Variants in CLCN4 observed in about 807,000 individuals in gnomAD.
CLCN4 encodes H(+)/Cl(-) exchange transporter 4.
CLCN4 carries 1 observed loss-of-function variant against 41.7 expected under a neutral mutation model. The ratio of observed to expected loss-of-function variants is 0.02; its 90% CI spans 0.01 to 0.11. The LOEUF (loss-of-function observed/expected upper bound fraction) is 0.11. Ranked by LOEUF, CLCN4 falls within the 10% of genes least tolerant of loss-of-function variation. CLCN4 has a pLI of 1.00. For synonymous variants in CLCN4, 277 were observed against 285.8 expected (o/e 0.97, Z 0.31); for missense variants, 287 against 661.0 (o/e 0.43, Z 6.20).
rs1366141307 is a variant in CLCN4 at position 10,213,968 on chromosome X, G to A, written c.1864G>A (p.Val622Met). ...LTQDSMTVED[V>M]ETLIKETDYN... is the part of the protein sequence containing the mutation. ...CCAGGACAGCATGACTGTCGAGGAC[G>A]TGGAGACGCTCATCAAGGAGACCGA... The change falls in exon 11 of 13, where the codon GTG (valine) becomes ATG (methionine). Residue 622 changes from valine (V) to methionine (M), a missense_variant. Coordinates refer to ENST00000380833, the MANE Select transcript of CLCN4 (RefSeq NM_001830.4). 3.3e-6 allele frequency: 4 copies of A among 1,210,600 alleles called. No homozygotes were observed. Among genetic ancestry groups the A allele is most frequent in the South Asian group, 1.8e-5 (1 of 56,822 alleles).
chrX:10,212,452 CTG>C lies in CLCN4; in HGVS notation c.1390-11_1390-10del, dbSNP rs2147182553. On this transcript the variant is annotated splice_polypyrimidine_tract_variant and intron_variant, in intron 9 of 12. Transcript: ENST00000380833. ...TCTTTTTCCCTCATGTTGCTTTTCT[CTG>C]TGTCTCCTCAAGATCCCGTCGGGCC... is the stretch of plus-strand genomic sequence containing the variant. The C allele has an allele frequency of 8.3e-7, 1 of 1,205,915 alleles. No individual in the cohort carries two copies. Among genetic ancestry groups the C allele is most frequent in the Non-Finnish European group, 1.1e-6 (1 of 890,986 alleles).
intron 2 of CLCN4, among the ~76,000 whole-genome samples, chrX:10,163,553 C>T (rs533787199): frequency 4.6e-5 from 5 of 109,874 alleles, no homozygotes; most frequent in South Asian, 8.0e-4. Flanking sequence ...ATTACAGGCA[C>T]GCACCACCAC....
intron 6 of CLCN4, among the ~76,000 whole-genome samples, chrX:10,204,613 CTTTTTTTTTTTTTTTTTTTT>C (rs61453535): frequency 0.21 from 5,844 of 27,358 alleles, 562 homozygotes; most frequent in African/African-American, 0.41. Context: ...AGCTAGTAGT[CTTTTTTTTTTTTTTTTTTTT>C]TTTTTTTTTT....
intron 11 of CLCN4, among the ~76,000 whole-genome samples, chrX:10,215,531 TAAATAATGAGGTTTTTTTAA>T (rs1924682060): frequency 8.9e-6 from 1 of 112,165 alleles, no homozygotes; most frequent in Non-Finnish European, 1.9e-5. Context: ...TATTGCCTTA[TAAATAATGAGGTTTTTTTAA>T]GGTTAAGTAG....
intron 12 of CLCN4, among the ~76,000 whole-genome samples, chrX:10,226,046 C>A (rs944392974): frequency 6.3e-5 from 7 of 111,401 alleles, no homozygotes; most frequent in Non-Finnish European, 1.3e-4. Flanking sequence ...TTAGGATTTT[C>A]TGGGCTATAT....
At chrX:10,213,603 C>T (rs1173372011) in intron 10 of CLCN4, 78 bp from the exon 11 acceptor site, 2 of 928,113 alleles carry the variant, frequency 2.2e-6, no homozygotes, top group Non-Finnish European at 3.0e-6. Context: ...TACAGCCTGT[C>T]TGTCATTTTC....
chrX:10,198,801 GC>G (rs1334927769), intron 6 of CLCN4, among the ~76,000 whole-genome samples: 2 of 112,131 alleles, frequency 1.8e-5, no homozygotes, highest in African/African-American at 6.5e-5. Flanking sequence ...GGAAATTTTA[GC>G]CAGAAGTAAT....
intron 4 of CLCN4, among the ~76,000 whole-genome samples, chrX:10,189,794 G>A (rs983324488): frequency 8.9e-6 from 1 of 112,223 alleles, no homozygotes; most frequent in East Asian, 2.8e-4. Flanking sequence ...GTCACCGCTA[G>A]GTGTCACTGT....
At chrX:10,185,221 G>A in intron 3 of CLCN4, 45 bp downstream of exon 3, 1 of 1,158,894 alleles carries the variant, frequency 8.6e-7, no homozygotes, top group Non-Finnish European at 1.2e-6. Flanking sequence ...GCTAAGCCAT[G>A]TTTTCATTCA....
rs181679928 is a variant in CLCN4, at chrX:10,202,801, A to T, written c.556-3557A>T. 3.6e-3 allele frequency among the ~76,000 whole-genome samples: 401 copies of T among 111,134 alleles called. 2 individuals carry two copies. The highest frequency in any genetic ancestry group is 0.012 in the African/African-American group (377 of 30,583). ...ACTATATGAGAAATCATACCCTCTCAGAACTTACTCTGTGTTGATGTTTCA... is the reference window on the plus strand; with the variant it reads ...ACTATATGAGAAATCATACCCTCTCTGAACTTACTCTGTGTTGATGTTTCA... On this transcript the variant is annotated intron_variant, in intron 6 of 12. Coordinates refer to ENST00000380833, the MANE Select transcript of CLCN4 (RefSeq NM_001830.4).
chrX:10,205,240 A>G (rs775616088), intron 6 of CLCN4, among the ~76,000 whole-genome samples: 142 of 111,274 alleles, frequency 1.3e-3, no homozygotes, highest in East Asian at 7.1e-3. Flanking sequence ...TTGGGAGGCC[A>G]AGGCGGGCGG....
chrX:10,221,874 C>T (rs988355476), intron 12 of CLCN4, among the ~76,000 whole-genome samples: 4 of 111,470 alleles, frequency 3.6e-5, no homozygotes, highest in East Asian at 5.7e-4. Flanking sequence ...TGGCTCTTCA[C>T]GCATGCATGA....
chrX:10,228,448 C>T (rs762993975), intron 12 of CLCN4, among the ~76,000 whole-genome samples: 128 of 110,942 alleles, frequency 1.2e-3, no homozygotes, highest in African/African-American at 4.0e-3. Flanking sequence ...CAATCCCCTC[C>T]GTACAGCACC....
intron 2 of CLCN4, among the ~76,000 whole-genome samples, chrX:10,161,289 G>A (rs991078716): frequency 9.0e-6 from 1 of 110,611 alleles, no homozygotes; most frequent in South Asian, 3.9e-4. Context: ...AGAGCAGCTG[G>A]CTCCATCCAC....
chrX:10,230,823 T>C (rs1925109570), intron 12 of CLCN4, among the ~76,000 whole-genome samples: 1 of 112,347 alleles, frequency 8.9e-6, no homozygotes, highest in Non-Finnish European at 1.9e-5. Flanking sequence ...TTGTTGTAAT[T>C]GATGAACCAA....
intron 6 of CLCN4, among the ~76,000 whole-genome samples, chrX:10,198,370 T>A (rs1924151954): frequency 8.9e-6 from 1 of 112,173 alleles, no homozygotes; most frequent in Non-Finnish European, 1.9e-5. Flanking sequence ...AAAAGCCTTG[T>A]CTTTGTAAAC....
intron 2 of CLCN4, among the ~76,000 whole-genome samples, chrX:10,178,908 T>C (rs1449253498): frequency 8.9e-6 from 1 of 112,457 alleles, no homozygotes; most frequent in Non-Finnish European, 1.9e-5. Flanking sequence ...AGGTTGCTTT[T>C]TATATATAGT....
intron 4 of CLCN4, among the ~76,000 whole-genome samples, chrX:10,190,186 C>G (rs893446473): frequency 1.8e-5 from 2 of 111,281 alleles, no homozygotes; most frequent in African/African-American, 6.5e-5. Flanking sequence ...AATTAATGAT[C>G]ATGTATTGTA....
At chrX:10,217,168 A>T (rs1924746292) in intron 11 of CLCN4, among the ~76,000 whole-genome samples, 4 of 107,607 alleles carry the variant, frequency 3.7e-5, no homozygotes, top group South Asian at 4.1e-4. Flanking sequence ...TGGCGCGATC[A>T]TAGCTCACTG....
Sources: allele counts gnomAD v4.1 joint callset (sites outside exome capture counted in the v4.1 genomes callset), GRCh38; gene constraint gnomAD v4.1.1; transcripts MANE v1.5; gene names NCBI Gene and HGNC (gene_info 2026-07-23, HGNC 2026-07-21).